The following ALK variants were observed in gnomAD, a reference collection of about 807,000 sequenced individuals.
The protein encoded by ALK is ALK tyrosine kinase receptor.
A neutral mutation model predicts 163.1 loss-of-function variants in ALK; 74 were observed. The ratio of observed to expected loss-of-function variants is 0.45; its 90% CI spans 0.38 to 0.55. The LOEUF (loss-of-function observed/expected upper bound fraction) is 0.55. Ranked by LOEUF, ALK falls within the 20% of genes least tolerant of loss-of-function variation. ALK has a pLI of 0.00. For missense variants in ALK, 2,063 were observed against 2,105.3 expected (o/e 0.98, Z 0.39); for synonymous variants, 960 against 843.2 (o/e 1.14, Z -2.40).
intron 3 of ALK, among the ~76,000 whole-genome samples, chr2:29,611,186 A>G (rs1478711061): frequency 6.6e-6 from 1 of 152,150 alleles, no homozygotes; most frequent in East Asian, 1.9e-4. Context: ...CTGCAGGGGA[A>G]CAGCCACAGA....
At chr2:29,794,465 T>C (rs1664259012) in intron 1 of ALK, among the ~76,000 whole-genome samples, 1 of 152,220 alleles carries the variant, frequency 6.6e-6, no homozygotes, top group Admixed American at 6.5e-5. Context: ...CCATCACACT[T>C]GATTAACTGG....
At position 29,778,007 on chromosome 2, in the gene ALK, G is replaced by A. The variant is rs554789638; in HGVS notation, c.668-60310C>T. Among the ~76,000 whole-genome samples, 5 of 152,320 alleles carry A rather than the reference G, an allele frequency of 3.3e-5. No homozygotes were observed. The East Asian group carries it at 7.7e-4, about 23-fold the overall frequency. On this transcript the variant is annotated intron_variant, in intron 1 of 28. Transcript: ENST00000389048. ...CTCAGATGCAAAAGTACTCCAGGTA[G>A]CAGGGGGACACCTCAGCTCCAGGTA...
intron 1 of ALK, among the ~76,000 whole-genome samples, chr2:29,764,154 T>A (rs763375601): frequency 6.6e-6 from 1 of 152,172 alleles, no homozygotes; most frequent in African/African-American, 2.4e-5. Flanking sequence ...GTTACCAGGA[T>A]GCAATTCAAG....
intron 11 of ALK, among the ~76,000 whole-genome samples, chr2:29,264,391 A>C (rs1434997681): frequency 6.6e-6 from 1 of 152,240 alleles, no homozygotes; most frequent in African/African-American, 2.4e-5. Context: ...CTTCATTGTT[A>C]GGGCCCACAT....
At position 29,826,411 on chromosome 2, in the gene ALK, T is replaced by C. The variant is rs539861795; in HGVS notation, c.667+93582A>G. On this transcript the variant is annotated intron_variant, in intron 1 of 28. Transcript: ENST00000389048. ...AATTCTCCAATGAGAATCATCAAAA[T>C]ATTCTGAGTTACTACAGACAGCATC... 6.4e-4 allele frequency among the ~76,000 whole-genome samples: 96 copies of C among 149,186 alleles called. 1 individual carries two copies. Among genetic ancestry groups the C allele is most frequent in the African/African-American group, 2.3e-3 (91 of 40,374 alleles).
At chr2:29,392,689 T>C (rs958471316) in intron 4 of ALK, among the ~76,000 whole-genome samples, 3 of 152,136 alleles carry the variant, frequency 2.0e-5, no homozygotes, top group East Asian at 1.9e-4. Flanking sequence ...CTCTAAATCA[T>C]TGCAATCGGG....
At chr2:29,327,819 G>T (rs923268970) in intron 6 of ALK, among the ~76,000 whole-genome samples, 1 of 152,194 alleles carries the variant, frequency 6.6e-6, no homozygotes, top group African/African-American at 2.4e-5. Context: ...TGGTACTTGT[G>T]GGGGATGGCC....
At chr2:29,363,851 G>T (rs1668438143) in intron 5 of ALK, among the ~76,000 whole-genome samples, 1 of 152,154 alleles carries the variant, frequency 6.6e-6, no homozygotes, top group East Asian at 1.9e-4. Flanking sequence ...CATTCTGTTT[G>T]AGAGCATTGA....
chr2:29,569,860 C>A (rs1231005923), intron 3 of ALK, among the ~76,000 whole-genome samples: 1 of 152,206 alleles, frequency 6.6e-6, no homozygotes, highest in African/African-American at 2.4e-5. Flanking sequence ...AACCTGGGTT[C>A]CAGGTTGTCC....
chr2:29,610,745 G>A (rs1203347880), intron 3 of ALK, among the ~76,000 whole-genome samples: 1 of 152,190 alleles, frequency 6.6e-6, no homozygotes, highest in Non-Finnish European at 1.5e-5. Flanking sequence ...TACAGCTAGA[G>A]TCTGGGCATC....
intron 1 of ALK, among the ~76,000 whole-genome samples, chr2:29,898,435 C>T (rs549783251): frequency 2.0e-5 from 3 of 152,254 alleles, no homozygotes; most frequent in Non-Finnish European, 2.9e-5. Flanking sequence ...AATCTGCCTT[C>T]GAAGAAATCT....
At chr2:29,724,588 A>G (rs779514431) in intron 1 of ALK, among the ~76,000 whole-genome samples, 3 of 152,324 alleles carry the variant, frequency 2.0e-5, no homozygotes, top group Middle Eastern at 6.8e-3. Flanking sequence ...AAAAACAGAG[A>G]TGTGATTTCA....
chr2:29,817,211 C>A (rs12995233), intron 1 of ALK, among the ~76,000 whole-genome samples: 5 of 148,350 alleles, frequency 3.4e-5, no homozygotes, highest in African/African-American at 1.0e-4. Context: ...TCACACTAAG[C>A]GGTGGGGTGT....
chr2:29,823,134 G>T (rs1346170729), intron 1 of ALK, among the ~76,000 whole-genome samples: 1 of 152,154 alleles, frequency 6.6e-6, no homozygotes, highest in Admixed American at 6.5e-5. Context: ...TTATAAAGAT[G>T]AGTTCCCTTG....
At chr2:29,543,176 C>T (rs1466241412) in intron 3 of ALK, among the ~76,000 whole-genome samples, 1 of 152,106 alleles carries the variant, frequency 6.6e-6, no homozygotes, top group African/African-American at 2.4e-5. Flanking sequence ...AGGCTTGGAG[C>T]TCCTGGGGAG....
At chr2:29,604,408 G>A (rs1007340580) in intron 3 of ALK, among the ~76,000 whole-genome samples, 2 of 152,122 alleles carry the variant, frequency 1.3e-5, no homozygotes, top group African/African-American at 4.8e-5. Context: ...ACATGTGTCA[G>A]GGATTACACT....
chr2:29,535,521 C>A (rs1673228948), intron 3 of ALK, among the ~76,000 whole-genome samples: 1 of 152,148 alleles, frequency 6.6e-6, no homozygotes, highest in South Asian at 2.1e-4. Context: ...GCAGAGCCTA[C>A]CTCATATGGC....
At chr2:29,755,469 CTA>C (rs1319606069) in intron 1 of ALK, among the ~76,000 whole-genome samples, 2 of 152,196 alleles carry the variant, frequency 1.3e-5, no homozygotes, top group African/African-American at 4.8e-5. Flanking sequence ...TTTCTGCAGA[CTA>C]TCTCAGGTAA....
chr2:29,676,711 C>T (rs970283807), intron 3 of ALK, among the ~76,000 whole-genome samples: 1 of 151,928 alleles, frequency 6.6e-6, no homozygotes, highest in African/African-American at 2.4e-5. Flanking sequence ...TTACATTAAG[C>T]TTATTGATCA....
Sources: gnomAD v4.1 joint callset for allele counts (sites outside exome capture counted in the v4.1 genomes callset) on GRCh38, gnomAD v4.1.1 for gene constraint, MANE v1.5 for transcripts, NCBI Gene and HGNC (gene_info 2026-07-23, HGNC 2026-07-21) for gene names.